The following RANBP9 variants were observed in gnomAD, a reference collection of about 807,000 sequenced individuals.
RANBP9 encodes the protein RAN binding protein 9, also known as ran-binding protein 9.
In RANBP9, 15 loss-of-function variants were observed where a neutral mutation model predicts 84.3. That is an observed-to-expected ratio of 0.18 (90% CI 0.12 to 0.27). RANBP9 has a LOEUF of 0.27. Ranked by LOEUF, RANBP9 falls within the 10% of genes least tolerant of loss-of-function variation. RANBP9 has a pLI of 1.00. For missense variants in RANBP9, 809 were observed against 912.8 expected (o/e 0.89, Z 1.46); for synonymous variants, 392 against 349.6 (o/e 1.12, Z -1.35).
Position 13,642,582 on chromosome 6 carries a change from T to C in RANBP9, c.1122A>G (p.Ser374=), listed in dbSNP as rs369644900. The change falls in exon 7 of 14, where the codon TCA becomes TCG. Residue 374 remains serine (S), a synonymous_variant. Transcript: ENST00000011619. ...EWQTMIQKMV[S]SYLVHHGYCA... ...AGTACCCATGGTGGACTAAATAAGA[T>C]GAAACCATTCTTAAAATAAAAAGAA... The C allele has an allele frequency of 9.4e-6, 15 of 1,600,066 alleles. No homozygotes were observed. The highest frequency in any genetic ancestry group is 1.3e-5 in the African/African-American group (1 of 74,338).
intron 2 of RANBP9, among the ~76,000 whole-genome samples, chr6:13,681,083 A>G (rs7744218): frequency 0.4 from 61,380 of 152,014 alleles, 12,891 homozygotes; most frequent in Admixed American, 0.51. Flanking sequence ...AAAAAAGAGA[A>G]TTTACAGAAA....
chr6:13,633,767 C>A (rs952401141), intron 11 of RANBP9, among the ~76,000 whole-genome samples: 4 of 152,158 alleles, frequency 2.6e-5, no homozygotes, highest in African/African-American at 9.7e-5. Flanking sequence ...AGAAATCTAA[C>A]ATTGCCATGG....
intron 9 of RANBP9, among the ~76,000 whole-genome samples, chr6:13,638,423 TGAAAG>T (rs1441314702): frequency 1.3e-5 from 2 of 152,032 alleles, no homozygotes; most frequent in East Asian, 1.9e-4. Context: ...TGTTACTTCA[TGAAAG>T]GAAAGGAGAC....
rs1386550054 is a variant in RANBP9 at position 13,626,798 on chromosome 6, A to C, written c.1948-1034T>G. ...TAGGTTCAGCTGCTCAAAAAACCAG[A>C]TTCCACACCCATTTTCCATCATTTC... On this transcript the variant is annotated intron_variant, in intron 12 of 13. Coordinates refer to ENST00000011619, the MANE Select transcript of RANBP9 (RefSeq NM_005493.3). Among the ~76,000 whole-genome samples, 10 of 152,280 alleles carry C rather than the reference A, an allele frequency of 6.6e-5. 1 individual carries two copies. In the South Asian group the frequency reaches 1.0e-3, roughly 16 times the overall value.
chr6:13,648,216 C>T (rs1765217853), intron 5 of RANBP9, among the ~76,000 whole-genome samples: 1 of 123,166 alleles, frequency 8.1e-6, no homozygotes, highest in South Asian at 2.9e-4. Context: ...GTGGCATAAT[C>T]TCGGTTCACT....
At chr6:13,658,010 A>G (rs1765443530) in intron 3 of RANBP9, among the ~76,000 whole-genome samples, 1 of 152,188 alleles carries the variant, frequency 6.6e-6, no homozygotes, top group Non-Finnish European at 1.5e-5. Flanking sequence ...TAATTTTAGC[A>G]AAGAGAGTAT....
At position 13,711,536 on chromosome 6, in the gene RANBP9, C is replaced by T. The variant is rs1389566060; in HGVS notation, c.-31G>A. The T allele has an allele frequency of 8.0e-7, 1 of 1,242,424 alleles. No homozygotes were observed. The highest frequency in any genetic ancestry group is 1.0e-6 in the Non-Finnish European group (1 of 988,676). The allele number at this position is 1,242,424 out of a possible 1,614,324, so 77.0% of individuals were successfully genotyped here. A position where few individuals can be genotyped will look rare whatever the true frequency, so the allele number is the denominator to read the frequency against. On this transcript the variant is annotated 5_prime_UTR_variant, in exon 1 of 14. Transcript: ENST00000011619. The stretch of plus-strand genomic sequence containing the variant: ...CCGCGACTCAGCCTGCGGCCACCTC[C>T]ACCTCTTCTCTCCTTCCTCCTCTGC...
chr6:13,710,783 G>GC lies in RANBP9; in HGVS notation c.571+151dup. The GC allele has an allele frequency of 3.9e-6, 3 of 773,884 alleles. No homozygotes were observed. The Middle Eastern group carries it at 1.2e-3, about 298-fold the overall frequency. 47.9% of individuals were successfully genotyped at this position (773,884 alleles called of 1,614,324 possible). On this transcript the variant is annotated intron_variant, in intron 1 of 13. Transcript: ENST00000011619. ...CCTCGGACCCTTCACCGCGACCCCC[G>GC]CGCCCACCCGGAGCAGCACAACAGG... is the stretch of plus-strand genomic sequence containing the variant.
At chr6:13,684,586 C>A (rs1766123803) in intron 2 of RANBP9, among the ~76,000 whole-genome samples, 1 of 152,210 alleles carries the variant, frequency 6.6e-6, no homozygotes, top group South Asian at 2.1e-4. Context: ...ACCGCTGTCA[C>A]AAATTTGTGG....
At chr6:13,700,789 G>C (rs1287792253) in intron 1 of RANBP9, among the ~76,000 whole-genome samples, 2 of 152,076 alleles carry the variant, frequency 1.3e-5, no homozygotes, top group Non-Finnish European at 2.9e-5. Context: ...TGTAATATCG[G>C]GCACAGTGAA....
intron 1 of RANBP9, among the ~76,000 whole-genome samples, chr6:13,708,453 A>G (rs570903742): frequency 6.6e-6 from 1 of 152,260 alleles, no homozygotes; most frequent in East Asian, 1.9e-4. Context: ...CACCAGAACA[A>G]CAACAAAAAA....
rs575155871 is a variant in RANBP9 at position 13,700,994 on chromosome 6, G to GT, written c.572-4099dup. ...TCAGGACATTATTGCAGAAACACCGGTATCTTCCTCCAGAACACACCATCC... is the reference window on the plus strand; with the variant it reads ...TCAGGACATTATTGCAGAAACACCGGTTATCTTCCTCCAGAACACACCATCC... On this transcript the variant is annotated intron_variant, in intron 1 of 13. Coordinates refer to ENST00000011619, the MANE Select transcript of RANBP9 (RefSeq NM_005493.3). Among the ~76,000 whole-genome samples the GT allele has an allele frequency of 2.5e-3, 384 of 152,248 alleles. 2 individuals are homozygous for GT. Among genetic ancestry groups the GT allele is most frequent in the African/African-American group, 8.9e-3 (370 of 41,532 alleles).
intron 2 of RANBP9, among the ~76,000 whole-genome samples, chr6:13,679,205 CAAT>C (rs1487814751): frequency 6.6e-6 from 1 of 152,162 alleles, no homozygotes; most frequent in East Asian, 1.9e-4. Flanking sequence ...GGAAAGTTCA[CAAT>C]AATATACACC....
chr6:13,693,389 T>A (rs79943266), intron 2 of RANBP9, among the ~76,000 whole-genome samples: 2,473 of 151,232 alleles, frequency 0.016, 61 homozygotes, highest in African/African-American at 0.056. Context: ...GCTAAAAATT[T>A]AAAAAAAAAT....
At chr6:13,671,028 C>A (rs528597326) in intron 2 of RANBP9, among the ~76,000 whole-genome samples, 3 of 152,078 alleles carry the variant, frequency 2.0e-5, no homozygotes, top group South Asian at 4.1e-4. Context: ...TCTGAATAGA[C>A]ATTTCTTCAA....
rs1344283889 is a variant in RANBP9, at chr6:13,686,117, C to T, written c.683+10668G>A. Among the ~76,000 whole-genome samples, 3 of 2,376 alleles carry T rather than the reference C, an allele frequency of 1.3e-3. 1 individual carries two copies. The highest frequency in any genetic ancestry group is 3.8e-3 in the African/African-American group (1 of 260). The allele number at this position is 2,376 out of a possible 152,430, so 1.6% of individuals were successfully genotyped here. On this transcript the variant is annotated intron_variant, in intron 2 of 13. Transcript: ENST00000011619. ...AAATTTCTTCCCCCCCCCCCCCCCG[C>T]CCCCCGAAATAGAGTCTCACTCTGT...
At chr6:13,703,795 C>T (rs1304464175) in intron 1 of RANBP9, among the ~76,000 whole-genome samples, 1 of 152,184 alleles carries the variant, frequency 6.6e-6, no homozygotes, top group African/African-American at 2.4e-5. Flanking sequence ...CAGTTAGAGT[C>T]CCCTTAACTC....
In RANBP9 at chr6:13,639,704, A is replaced by G. The variant is rs1765018542; in HGVS notation, c.1384T>C (p.Cys462Arg). Residue 462 changes from cysteine (C) to arginine (R), a missense_variant, in exon 9 of 14, where the codon TGT (cysteine) becomes CGT (arginine). By Grantham distance (180) the Cys-to-Arg change is radical. This residue lies in a region of RANBP9 where 216 missense variants were observed against 329.0 expected (regional missense o/e 0.66). Coordinates refer to ENST00000011619, the MANE Select transcript of RANBP9 (RefSeq NM_005493.3). ...GACTTTGGACTTCGGCCTCCCAAACATCGTACTTCACTATCTGTACCATTC... is the reference window on the plus strand; with the variant it reads ...GACTTTGGACTTCGGCCTCCCAAACGTCGTACTTCACTATCTGTACCATTC... Reference protein sequence around the residue: ...MVNGTDSEVRCLGGRSPKSQD... With the variant: ...MVNGTDSEVRRLGGRSPKSQD... 3 of 1,614,146 alleles carry G rather than the reference A, an allele frequency of 1.9e-6. No homozygotes were observed. Among genetic ancestry groups the G allele is most frequent in the Non-Finnish European group, 2.5e-6 (3 of 1,180,014 alleles).
chr6:13,622,610 T>C (rs768369009), intron 13 of RANBP9, 118 bp from the exon 14 acceptor site: 64 of 1,089,154 alleles, frequency 5.9e-5, no homozygotes, highest in Non-Finnish European at 7.4e-5. Context: ...CACTCTGAAA[T>C]ATCAGCAAAT....
Sources: gnomAD v4.1 joint callset for allele counts (sites outside exome capture counted in the v4.1 genomes callset) on GRCh38, gnomAD v4.1.1 for gene constraint, gnomAD v4.1.1 regional missense constraint, MANE v1.5 for transcripts, NCBI Gene and HGNC (gene_info 2026-07-23, HGNC 2026-07-21) for gene names.